Variants in SPOCK3 observed in about 807,000 individuals in gnomAD.
The protein encoded by SPOCK3 is SPARC (osteonectin), cwcv and kazal like domains proteoglycan 3, also known as testican-3.
A neutral mutation model predicts 56.6 loss-of-function variants in SPOCK3; 30 were observed. The ratio of observed to expected loss-of-function variants is 0.53; its 90% confidence interval spans 0.40 to 0.72. The LOEUF is 0.72. SPOCK3 is among the 30% of genes least tolerant of loss of function. The pLI, the probability that SPOCK3 is intolerant of heterozygous loss-of-function variation, is 0.00. For synonymous variants in SPOCK3, 196 were observed against 183.3 expected (o/e 1.07, Z -0.56); for missense variants, 527 against 530.0 (o/e 0.99, Z 0.06).
chr4:167,062,337 G>A lies in SPOCK3; in HGVS notation c.235+155C>T, dbSNP rs1295190895. Among the ~76,000 whole-genome samples the A allele has an allele frequency of 1.5e-4, 23 of 151,720 alleles. 1 individual carries two copies. The Admixed American group carries it at 1.5e-3, about 10-fold the overall frequency. On this transcript the variant is annotated intron_variant, in intron 3 of 10. Transcript: ENST00000357545. Reference sequence around the variant, plus strand: ...ATTAGCTTACTTCTAAAAATATTATGCTGAAATGTAAGTAATTATTGCACA... The same window carrying A: ...ATTAGCTTACTTCTAAAAATATTATACTGAAATGTAAGTAATTATTGCACA...
chr4:166,952,292 GACAA>G (rs1242152430), intron 4 of SPOCK3, among the ~76,000 whole-genome samples: 6 of 152,208 alleles, frequency 3.9e-5, no homozygotes, highest in Non-Finnish European at 5.9e-5. Flanking sequence ...ACCAATAACA[GACAA>G]ACAGAGAGCC....
chr4:166,933,111 C>A (rs983582786), intron 4 of SPOCK3, among the ~76,000 whole-genome samples: 1 of 151,978 alleles, frequency 6.6e-6, no homozygotes, highest in African/African-American at 2.4e-5. Flanking sequence ...TTCATTAATA[C>A]AATATTAAAA....
chr4:167,011,863 T>A (rs2150146201), intron 3 of SPOCK3, among the ~76,000 whole-genome samples: 1 of 152,216 alleles, frequency 6.6e-6, no homozygotes, highest in South Asian at 2.1e-4. Context: ...TGAGGTATGC[T>A]TTTTACAACT....
chr4:166,930,120 C>G (rs2149994802), intron 4 of SPOCK3, among the ~76,000 whole-genome samples: 1 of 152,038 alleles, frequency 6.6e-6, no homozygotes, highest in African/African-American at 2.4e-5. Flanking sequence ...CTTTTTTCTG[C>G]TAGATATAAT....
chr4:167,009,219 G>A (rs1749778845), intron 3 of SPOCK3, among the ~76,000 whole-genome samples: 1 of 151,680 alleles, frequency 6.6e-6, no homozygotes, highest in Admixed American at 6.6e-5. Flanking sequence ...GCTAGGATCT[G>A]GCAATTTTAG....
chr4:166,958,771 A>C (rs1486715766), intron 4 of SPOCK3, among the ~76,000 whole-genome samples: 1 of 152,170 alleles, frequency 6.6e-6, no homozygotes, highest in Non-Finnish European at 1.5e-5. Flanking sequence ...GTCTCCTTCT[A>C]CTAGAACCTA....
At chr4:166,988,370 C>T in intron 4 of SPOCK3, among the ~76,000 whole-genome samples, 1 of 151,820 alleles carries the variant, frequency 6.6e-6, no homozygotes, top group East Asian at 1.9e-4. Flanking sequence ...TGAATTTGCC[C>T]ACTGAGAACA....
chr4:166,765,211 C>T (rs377109024), intron 7 of SPOCK3, among the ~76,000 whole-genome samples: 9 of 152,094 alleles, frequency 5.9e-5, no homozygotes, highest in East Asian at 1.9e-4. Context: ...TTTGTCTATT[C>T]TGGCTTTTGT....
chr4:166,982,845 T>C (rs1746734007), intron 4 of SPOCK3, among the ~76,000 whole-genome samples: 1 of 152,288 alleles, frequency 6.6e-6, no homozygotes. Context: ...TTTGAGGCCA[T>C]ACTTGTACTT....
intron 7 of SPOCK3, among the ~76,000 whole-genome samples, chr4:166,769,907 C>T (rs1738696063): frequency 6.6e-6 from 1 of 152,190 alleles, no homozygotes; most frequent in Admixed American, 6.5e-5. Flanking sequence ...CTCCCCCAGC[C>T]TTGCTGCTGT....
intron 2 of SPOCK3, among the ~76,000 whole-genome samples, chr4:167,090,244 G>A (rs1205124016): frequency 6.6e-6 from 1 of 152,108 alleles, no homozygotes; most frequent in Non-Finnish European, 1.5e-5. Flanking sequence ...CAGGGGTAAT[G>A]TGTAAAAATT....
chr4:167,205,289 TTATATCTATAATATATATTATATATTTTA>T (rs1733989100), intron 2 of SPOCK3, among the ~76,000 whole-genome samples: 10 of 44,978 alleles, frequency 2.2e-4, no homozygotes, highest in Non-Finnish European at 4.1e-4. Context: ...TATATATATT[TTATATCTATAATATATATTATATATTTTA>T]TATATATAAT....
At chr4:167,091,274 TA>T (rs1165276141) in intron 2 of SPOCK3, among the ~76,000 whole-genome samples, 1 of 152,194 alleles carries the variant, frequency 6.6e-6, no homozygotes, top group Admixed American at 6.5e-5. Flanking sequence ...AATAGCATAT[TA>T]TTAACAATGA....
At chr4:167,203,337 T>G (rs1733702684) in intron 2 of SPOCK3, among the ~76,000 whole-genome samples, 1 of 152,022 alleles carries the variant, frequency 6.6e-6, no homozygotes, top group African/African-American at 2.4e-5. Context: ...ACATCTTACC[T>G]ATATACATAT....
intron 3 of SPOCK3, among the ~76,000 whole-genome samples, chr4:167,019,667 A>G (rs1048972323): frequency 6.6e-6 from 1 of 152,072 alleles, no homozygotes; most frequent in Admixed American, 6.6e-5. Flanking sequence ...TTGTACCTGT[A>G]CACATTAAAG....
chr4:167,144,311 C>G lies in SPOCK3; in HGVS notation c.190-81774G>C, dbSNP rs148957560. On this transcript the variant is annotated intron_variant, in intron 2 of 10. Transcript: ENST00000357545. ...ACTTCTCAACTATACTAAAAATATC[C>G]ATTATTTATAATGTACAGTCAATTA... Among the ~76,000 whole-genome samples, 764 of 151,792 alleles carry G rather than the reference C, an allele frequency of 5.0e-3. 2 individuals are homozygous for G. The highest frequency in any genetic ancestry group is 5.8e-3 in the Non-Finnish European group (394 of 67,864).
intron 3 of SPOCK3, among the ~76,000 whole-genome samples, chr4:167,013,233 A>G (rs1750265675): frequency 6.6e-6 from 1 of 152,002 alleles, no homozygotes. Flanking sequence ...TATTAAAAGC[A>G]AAAGCTACTA....
At chr4:166,969,781 TAATCC>T (rs1475939895) in intron 4 of SPOCK3, among the ~76,000 whole-genome samples, 8 of 152,162 alleles carry the variant, frequency 5.3e-5, no homozygotes, top group South Asian at 2.1e-4. Context: ...TACAGAAGGC[TAATCC>T]AATACCAGTC....
chr4:166,963,876 T>C (rs949020660), intron 4 of SPOCK3, among the ~76,000 whole-genome samples: 3 of 151,964 alleles, frequency 2.0e-5, no homozygotes, highest in Admixed American at 1.3e-4. Flanking sequence ...ATATTAGATA[T>C]CATGAGTCAG....
Sources: allele counts gnomAD v4.1 joint callset (sites outside exome capture counted in the v4.1 genomes callset), GRCh38; gene constraint gnomAD v4.1.1; transcripts MANE v1.5; gene names NCBI Gene and HGNC (gene_info 2026-07-23, HGNC 2026-07-21).